The following FHIT variants were observed in gnomAD, a reference collection of about 807,000 sequenced individuals.
The protein encoded by FHIT is fragile histidine triad diadenosine triphosphatase.
In FHIT, 19 loss-of-function variants were observed where a neutral mutation model predicts 17.9. The observed-to-expected ratio is 1.06, with a 90% CI of 0.74 to 1.56. The LOEUF (loss-of-function observed/expected upper bound fraction) is 1.56. Ranked by LOEUF, FHIT falls within the 40% of genes most tolerant of loss-of-function variation. FHIT has a pLI of 0.00. For missense variants in FHIT, 248 were observed against 189.2 expected, an observed-to-expected ratio of 1.31 and a Z score of -1.82; for synonymous variants, 81 against 69.7, an observed-to-expected ratio of 1.16 and a Z score of -0.81.
chr3:60,019,329 G>T (rs571624176), intron 5 of FHIT, among the ~76,000 whole-genome samples: 30 of 152,038 alleles, frequency 2.0e-4, no homozygotes, highest in African/African-American at 7.0e-4. Flanking sequence ...GAAGTTCCAG[G>T]GATGTTTAAA....
At chr3:61,111,808 C>G (rs951522448) in intron 2 of FHIT, among the ~76,000 whole-genome samples, 6 of 152,220 alleles carry the variant, frequency 3.9e-5, no homozygotes, top group East Asian at 1.9e-4. Flanking sequence ...CGTATGTGCA[C>G]GTATATAATT....
At chr3:59,903,158 T>A (rs1704412150) in intron 8 of FHIT, among the ~76,000 whole-genome samples, 1 of 152,132 alleles carries the variant, frequency 6.6e-6, no homozygotes, top group African/African-American at 2.4e-5. Flanking sequence ...CTTGAAAACT[T>A]TATGGTAAAT....
At position 60,095,108 on chromosome 3, in the gene FHIT, C is replaced by T. The variant is rs557220949; in HGVS notation, c.104-80956G>A. Among the ~76,000 whole-genome samples the T allele has an allele frequency of 2.0e-5, 3 of 152,168 alleles. No homozygotes were observed. The East Asian group carries it at 5.8e-4, about 29-fold the overall frequency. On this transcript the variant is annotated intron_variant, in intron 5 of 9. Transcript: ENST00000492590. ...TTAGCTTAGCTGGGCAATTATGAAG[C>T]AGGAAGTAAAAAGCTGAGATAAAGA...
At chr3:60,082,493 T>C (rs928719935) in intron 5 of FHIT, among the ~76,000 whole-genome samples, 1 of 152,132 alleles carries the variant, frequency 6.6e-6, no homozygotes, top group Non-Finnish European at 1.5e-5. Context: ...ATATATCCAG[T>C]AATGGAATTA....
At chr3:59,807,252 C>G (rs1376675674) in intron 8 of FHIT, among the ~76,000 whole-genome samples, 1 of 152,144 alleles carries the variant, frequency 6.6e-6, no homozygotes, top group Non-Finnish European at 1.5e-5. Flanking sequence ...TCTGGAGCCC[C>G]AAATCCAATG....
At chr3:61,009,582 T>G (rs539809168) in intron 3 of FHIT, among the ~76,000 whole-genome samples, 39 of 152,326 alleles carry the variant, frequency 2.6e-4, no homozygotes, top group Middle Eastern at 6.8e-3. Flanking sequence ...TGCCTACTCC[T>G]GCCCCACTGC....
intron 5 of FHIT, among the ~76,000 whole-genome samples, chr3:60,100,607 C>T (rs1704152220): frequency 6.6e-6 from 1 of 152,122 alleles, no homozygotes; most frequent in Admixed American, 6.5e-5. Flanking sequence ...TTCCAGAAAC[C>T]CCTCTCTGGT....
At chr3:60,891,937 T>C (rs928988345) in intron 3 of FHIT, among the ~76,000 whole-genome samples, 2 of 152,140 alleles carry the variant, frequency 1.3e-5, no homozygotes, top group Non-Finnish European at 2.9e-5. Flanking sequence ...TCAAATCAAA[T>C]ATGGCACCAA....
intron 3 of FHIT, among the ~76,000 whole-genome samples, chr3:60,976,881 GT>G (rs75027281): frequency 0.28 from 40,845 of 145,464 alleles, 5,635 homozygotes; most frequent in South Asian, 0.4. Flanking sequence ...CTGAATACTT[GT>G]TTTTTTTTTT....
intron 8 of FHIT, among the ~76,000 whole-genome samples, chr3:59,807,131 G>A (rs1700235154): frequency 6.6e-6 from 1 of 152,138 alleles, no homozygotes; most frequent in Non-Finnish European, 1.5e-5. Context: ...AGCAAAATAA[G>A]AGATATATAC....
chr3:60,588,808 C>T (rs1273026433), intron 4 of FHIT, among the ~76,000 whole-genome samples: 1 of 151,998 alleles, frequency 6.6e-6, no homozygotes, highest in Non-Finnish European at 1.5e-5. Flanking sequence ...AGCCATCATG[C>T]CTGTCCTGGT....
At chr3:59,750,638 G>GAAAT (rs1045388994) in intron 9 of FHIT, 6 of 222,522 alleles carry the variant, frequency 2.7e-5, no homozygotes, top group Non-Finnish European at 5.4e-5. Context: ...ATGGGAGAAT[G>GAAAT]AAATAAGCTT....
intron 3 of FHIT, among the ~76,000 whole-genome samples, chr3:60,924,680 C>T (rs1196883484): frequency 7.2e-5 from 11 of 152,190 alleles, no homozygotes; most frequent in African/African-American, 2.7e-4. Context: ...CGCAGCTCCT[C>T]ACAAGCAACG....
intron 2 of FHIT, among the ~76,000 whole-genome samples, chr3:61,074,158 CT>C: frequency 1.3e-5 from 2 of 152,254 alleles, no homozygotes; most frequent in Middle Eastern, 6.8e-3. Context: ...CAAAAAACCC[CT>C]TAAGCCTTCA....
At chr3:60,429,747 T>C (rs1702806063) in intron 5 of FHIT, among the ~76,000 whole-genome samples, 10 of 152,056 alleles carry the variant, frequency 6.6e-5, no homozygotes. Flanking sequence ...CTACATGTAA[T>C]TTTATGTATA....
intron 2 of FHIT, among the ~76,000 whole-genome samples, chr3:61,093,435 A>T (rs919969470): frequency 9.9e-5 from 15 of 152,274 alleles, no homozygotes; most frequent in African/African-American, 3.6e-4. Context: ...CTTACAGGGA[A>T]GCTCTTACAA....
At chr3:60,134,217 T>A (rs1699713687) in intron 5 of FHIT, among the ~76,000 whole-genome samples, 1 of 152,166 alleles carries the variant, frequency 6.6e-6, no homozygotes, top group African/African-American at 2.4e-5. Context: ...AAGGTGGAGA[T>A]AGGAAAATAT....
At chr3:60,207,127 C>A (rs1470685425) in intron 5 of FHIT, among the ~76,000 whole-genome samples, 1 of 151,702 alleles carries the variant, frequency 6.6e-6, no homozygotes, top group African/African-American at 2.4e-5. Flanking sequence ...CAGCAAAGTG[C>A]TATTTCAAAT....
chr3:59,951,984 C>T (rs1333742369), intron 7 of FHIT, among the ~76,000 whole-genome samples: 1 of 152,152 alleles, frequency 6.6e-6, no homozygotes, highest in African/African-American at 2.4e-5. Context: ...TCATGTGTGG[C>T]CTTGATTTGC....
Sources: gnomAD v4.1 joint callset for allele counts (sites outside exome capture counted in the v4.1 genomes callset) on GRCh38, gnomAD v4.1.1 for gene constraint, MANE v1.5 for transcripts, NCBI Gene and HGNC (gene_info 2026-07-23, HGNC 2026-07-21) for gene names.